WDR5: variants seen among roughly 807,000 people sequenced by gnomAD.
WDR5 encodes the protein WD repeat domain 5.
For missense variants in WDR5, 187 were observed against 416.9 expected (o/e 0.45, Z 4.80); for synonymous variants, 144 against 161.6 (o/e 0.89, Z 0.83).
At chr9:134,144,774 C>T (rs1040245894) in intron 7 of WDR5, among the ~76,000 whole-genome samples, 1 of 152,030 alleles carries the variant, frequency 6.6e-6, no homozygotes, top group Non-Finnish European at 1.5e-5. Context: ...GAGTTTGAGG[C>T]TGCAGTGAGC....
intron 12 of WDR5, 91 bp downstream of exon 12, chr9:134,155,858 C>A: frequency 1.7e-6 from 2 of 1,176,432 alleles, no homozygotes; most frequent in Non-Finnish European, 1.2e-6. Flanking sequence ...TACTCAGAGA[C>A]ACTTTTCTGT....
At chr9:134,153,355 T>C (rs1165514865) in intron 9 of WDR5, among the ~76,000 whole-genome samples, 1 of 152,106 alleles carries the variant, frequency 6.6e-6, no homozygotes, top group African/African-American at 2.4e-5. Context: ...TGCATAGCAG[T>C]TTTCCCATCG....
intron 1 of WDR5, 92 bp from the exon 2 acceptor site, chr9:134,139,728 C>T (rs1831776034): frequency 1.2e-6 from 1 of 807,896 alleles, no homozygotes; most frequent in Non-Finnish European, 1.9e-6. Context: ...ATATGGTAGT[C>T]AAATGTTTTT....
At chr9:134,138,612 C>G (rs1177901396) in intron 1 of WDR5, among the ~76,000 whole-genome samples, 4 of 152,228 alleles carry the variant, frequency 2.6e-5, no homozygotes, top group African/African-American at 4.8e-5. Flanking sequence ...GCCCTAGATG[C>G]AGCGTGATCC....
rs1832698223 is a variant in WDR5 at position 134,155,324 on chromosome 9, T to C, written c.708-16T>C. 1.3e-6 allele frequency: 2 copies of C among 1,592,890 alleles called. No individual in the cohort carries two copies. Among genetic ancestry groups the C allele is most frequent in the Admixed American group, 3.6e-5 (2 of 55,412 alleles). Reference sequence around the variant, plus strand: ...GCCTCCAGACATGCCGCCTCACCCCTCTCTCTGTCTTGCAGCACTCTGAAG... The same window carrying C: ...GCCTCCAGACATGCCGCCTCACCCCCCTCTCTGTCTTGCAGCACTCTGAAG... On this transcript the variant is annotated splice_polypyrimidine_tract_variant and intron_variant, in intron 10 of 13. Transcript: ENST00000358625.
chr9:134,148,775 T>C (rs928417962), intron 8 of WDR5, among the ~76,000 whole-genome samples: 1 of 151,994 alleles, frequency 6.6e-6, no homozygotes, highest in Non-Finnish European at 1.5e-5. Flanking sequence ...GATGGCAGCA[T>C]AGAGAAGGGC....
intron 13 of WDR5, among the ~76,000 whole-genome samples, chr9:134,156,795 T>C (rs1832766374): frequency 6.6e-6 from 1 of 152,330 alleles, no homozygotes; most frequent in African/African-American, 2.4e-5. Context: ...AGACCCGGGC[T>C]CCTGGCTTGA....
intron 1 of WDR5, among the ~76,000 whole-genome samples, chr9:134,136,573 A>C (rs1448636534): frequency 6.6e-6 from 1 of 151,178 alleles, no homozygotes; most frequent in Non-Finnish European, 1.5e-5. Context: ...CCACCAAGCC[A>C]CTCAGTCCCT....
chr9:134,142,853 A>G (rs1274481454), intron 7 of WDR5, 134 bp downstream of exon 7: 2 of 857,194 alleles, frequency 2.3e-6, no homozygotes, highest in East Asian at 2.5e-5. Context: ...GTCATGCCAC[A>G]GTCTAGAGCA....
intron 9 of WDR5, among the ~76,000 whole-genome samples, chr9:134,153,099 C>T (rs1832575500): frequency 6.6e-6 from 1 of 152,196 alleles, no homozygotes; most frequent in Admixed American, 6.5e-5. Flanking sequence ...CAGCCTTTTG[C>T]CATGCATCTC....
chr9:134,155,193 C>T, intron 10 of WDR5, 147 bp from the exon 11 acceptor site: 1 of 943,506 alleles, frequency 1.1e-6, no homozygotes, highest in African/African-American at 1.7e-5. Flanking sequence ...TGAGGGGCTC[C>T]TTACCCTGAT....
rs76326924 is a variant in WDR5, at chr9:134,151,066, A to G, written c.585-917A>G. Among the ~76,000 whole-genome samples, 1,309 of 152,248 alleles carry G rather than the reference A, an allele frequency of 8.6e-3. 17 individuals carry two copies. The highest frequency in any genetic ancestry group is 0.03 in the African/African-American group (1,235 of 41,556). ...GGCGGCTCCGGAGAGGCCCTCCCGC[A>G]GTGATTGCGGAGCTAGAGGACATGA... On this transcript the variant is annotated intron_variant, in intron 8 of 13. Coordinates refer to ENST00000358625, the MANE Select transcript of WDR5 (RefSeq NM_017588.3).
intron 1 of WDR5, among the ~76,000 whole-genome samples, chr9:134,136,683 C>A (rs925840812): frequency 2.0e-5 from 3 of 152,194 alleles, no homozygotes; most frequent in Admixed American, 6.5e-5. Context: ...TAGGTGGGGT[C>A]CTGGGGTGCG....
At chr9:134,155,498 G>A in intron 11 of WDR5, 125 bp downstream of exon 11, 1 of 1,389,168 alleles carries the variant, frequency 7.2e-7, no homozygotes, top group Non-Finnish European at 9.8e-7. Flanking sequence ...CGCTGGGTTT[G>A]GTGCGAATTC....
At chr9:134,145,105 T>TTTTTTG (rs1400733432) in intron 7 of WDR5, among the ~76,000 whole-genome samples, 1 of 128,956 alleles carries the variant, frequency 7.8e-6, no homozygotes, top group Non-Finnish European at 1.6e-5. Context: ...TGTTTTTTTT[T>TTTTTTG]TTTTTTTTTT....
At chr9:134,143,964 C>A (rs1307942632) in intron 7 of WDR5, among the ~76,000 whole-genome samples, 1 of 152,220 alleles carries the variant, frequency 6.6e-6, no homozygotes, top group African/African-American at 2.4e-5. Flanking sequence ...CCAATCCTGC[C>A]CTTCGTTGAG....
chr9:134,140,328 T>A (rs1831816393), intron 2 of WDR5, among the ~76,000 whole-genome samples: 1 of 151,740 alleles, frequency 6.6e-6, no homozygotes, highest in African/African-American at 2.4e-5. Context: ...GTGTTCGGGG[T>A]CGGAGGGTGG....
rs201081048 is a variant in WDR5, at chr9:134,156,463, C to T, written c.817-43C>T. 9.4e-4 allele frequency: 1,497 copies of T among 1,587,454 alleles called. 1 individual carries two copies. The highest frequency in any genetic ancestry group is 1.1e-3 in the Non-Finnish European group (1,328 of 1,155,844). On this transcript the variant is annotated intron_variant, in intron 12 of 13. Coordinates refer to ENST00000358625, the MANE Select transcript of WDR5 (RefSeq NM_017588.3). ...TCCCTTTCACATGCATGAGCTCTGACCTGCTTTTCCTTGCCCTGTTTTCCC... is the reference window on the plus strand; with the variant it reads ...TCCCTTTCACATGCATGAGCTCTGATCTGCTTTTCCTTGCCCTGTTTTCCC...
chr9:134,150,040 T>C (rs1588176084), intron 8 of WDR5, among the ~76,000 whole-genome samples: 1 of 152,270 alleles, frequency 6.6e-6, no homozygotes, highest in East Asian at 1.9e-4. Flanking sequence ...TTGAAGCTTA[T>C]CCCAACGATT....
Sources: allele counts gnomAD v4.1 joint callset (sites outside exome capture counted in the v4.1 genomes callset), GRCh38; gene constraint gnomAD v4.1.1; transcripts MANE v1.5; gene names NCBI Gene and HGNC (gene_info 2026-07-23, HGNC 2026-07-21).